The following ULK4 variants were observed in gnomAD, a reference collection of about 807,000 sequenced individuals.
The protein encoded by ULK4 is unc-51 like kinase 4, also known as inactive serine/threonine-protein kinase ULK4.
ULK4 carries 133 observed loss-of-function variants against 160.6 expected under a neutral mutation model. The ratio of observed to expected loss-of-function variants is 0.83; its 90% CI spans 0.72 to 0.96. The LOEUF (loss-of-function observed/expected upper bound fraction) is 0.96, where lower values mean the gene tolerates loss of function less well. Among genes scored for constraint, ULK4 ranks in the 40% least tolerant of loss-of-function variants. The probability of loss-of-function intolerance (pLI) is 0.00; values close to 1 mark genes in which losing one functional copy is unlikely to be tolerated. For synonymous variants in ULK4, 534 were observed against 539.8 expected (o/e 0.99, Z 0.15); for missense variants, 1,580 against 1,499.5 (o/e 1.05, Z -0.89).
chr3:41,505,310 C>T (rs549584209), intron 32 of ULK4, among the ~76,000 whole-genome samples: 5 of 152,100 alleles, frequency 3.3e-5, no homozygotes, highest in African/African-American at 9.6e-5. Flanking sequence ...TCATTACTGC[C>T]CTAACTACTA....
At chr3:41,629,834 A>AT (rs1475416717) in intron 30 of ULK4, among the ~76,000 whole-genome samples, 6 of 151,702 alleles carry the variant, frequency 4.0e-5, no homozygotes, top group African/African-American at 1.5e-4. Flanking sequence ...CTATAAAAAA[A>AT]AAAAATATAA....
intron 21 of ULK4, among the ~76,000 whole-genome samples, 167 bp downstream of exon 21, chr3:41,789,494 G>A (rs1026396050): frequency 4.6e-5 from 7 of 152,154 alleles, no homozygotes; most frequent in African/African-American, 1.7e-4. Flanking sequence ...AAAGGCTCTT[G>A]GAACATGTTC....
At chr3:41,882,406 T>A (rs1697556211) in intron 17 of ULK4, 1 of 639,948 alleles carries the variant, frequency 1.6e-6, no homozygotes, top group Non-Finnish European at 2.8e-6. Flanking sequence ...TATAAGTTGA[T>A]CATCTCAATT....
chr3:41,861,772 C>T (rs1206674109), intron 17 of ULK4, among the ~76,000 whole-genome samples: 2 of 151,978 alleles, frequency 1.3e-5, no homozygotes, highest in African/African-American at 4.8e-5. Flanking sequence ...AGGCCAATAA[C>T]GTTTAGACTT....
chr3:41,358,511 C>T (rs1043589252), intron 35 of ULK4, among the ~76,000 whole-genome samples: 6 of 152,002 alleles, frequency 3.9e-5, no homozygotes, highest in Admixed American at 6.6e-5. Flanking sequence ...GCCTCTCTGA[C>T]AGGGTGACAT....
chr3:41,252,609 G>GAAAAAA (rs35292590), intron 35 of ULK4, among the ~76,000 whole-genome samples: 1 of 104,522 alleles, frequency 9.6e-6, no homozygotes, highest in Non-Finnish European at 1.9e-5. Context: ...AGCAGAGATT[G>GAAAAAA]AAAAAAAAAA....
chr3:41,681,523 T>A lies in ULK4; in HGVS notation c.2963A>T (p.Asp988Val). The change falls in exon 29 of 37, where the codon GAT (aspartate) becomes GTT (valine). Residue 988 changes from aspartate to valine, a missense_variant. Physicochemically the swap from Asp to Val is radical, Grantham distance 152. Coordinates refer to ENST00000301831, the MANE Select transcript of ULK4 (RefSeq NM_017886.4). Reference protein sequence around the residue: ...SDSNLLALIRDVLLPQYEHIL... With the variant: ...SDSNLLALIRVVLLPQYEHIL... ...TGATACTTACTGGGGAAGTAAGACA[T>A]CTCGAATGAGAGCCAGAAGATTGCT... 1.2e-6 allele frequency: 2 copies of A among 1,614,040 alleles called. No homozygotes were observed. The highest frequency in any genetic ancestry group is 4.5e-5 in the East Asian group (2 of 44,868).
At chr3:41,315,832 A>G (rs1029290262) in intron 35 of ULK4, among the ~76,000 whole-genome samples, 2 of 152,242 alleles carry the variant, frequency 1.3e-5, no homozygotes, top group Non-Finnish European at 2.9e-5. Context: ...CAAAACCACA[A>G]TGAGATGCCA....
Position 41,866,810 on chromosome 3 carries a change from T to C in ULK4, c.1656+17064A>G, listed in dbSNP as rs562483849. ...AGGTTTTTAATAATGTACTAACAGATATAGGGCTCCCCAAATTTTTCTATC... is the reference window on the plus strand; with the variant it reads ...AGGTTTTTAATAATGTACTAACAGACATAGGGCTCCCCAAATTTTTCTATC... On this transcript the variant is annotated intron_variant, in intron 17 of 36. Transcript: ENST00000301831. 1.2e-4 allele frequency among the ~76,000 whole-genome samples: 18 copies of C among 152,358 alleles called. No homozygotes were observed. In the East Asian group the frequency reaches 2.9e-3, roughly 24 times the overall value.
At position 41,288,504 on chromosome 3, in the gene ULK4, T is replaced by C. The variant is rs542211788; in HGVS notation, c.3679-38930A>G. On this transcript the variant is annotated intron_variant, in intron 35 of 36. Transcript: ENST00000301831. ...TGGAGGTTACATCTTGGTCTGACTC[T>C]TGGTATGATGTGTGGAATTGCTGAG... Among the ~76,000 whole-genome samples the C allele has an allele frequency of 2.0e-5, 3 of 152,330 alleles. No homozygotes were observed. In the East Asian group the frequency reaches 5.8e-4, roughly 29 times the overall value.
At chr3:41,854,829 C>T (rs1213492505) in intron 17 of ULK4, 1 of 151,854 alleles carries the variant, frequency 6.6e-6, no homozygotes, top group Non-Finnish European at 1.5e-5. Flanking sequence ...ATTACCCAGA[C>T]CCTTTCAAGT....
At chr3:41,644,402 AG>A (rs1205709326) in intron 30 of ULK4, among the ~76,000 whole-genome samples, 1 of 152,016 alleles carries the variant, frequency 6.6e-6, no homozygotes, top group African/African-American at 2.4e-5. Flanking sequence ...TTTAGCATGA[AG>A]GGTTGTTGAA....
intron 34 of ULK4, among the ~76,000 whole-genome samples, chr3:41,411,582 G>A (rs1398281836): frequency 6.6e-6 from 1 of 151,776 alleles, no homozygotes; most frequent in Non-Finnish European, 1.5e-5. Context: ...GATTACAGGT[G>A]CCACCATGCC....
intron 21 of ULK4, among the ~76,000 whole-genome samples, chr3:41,786,244 C>G (rs1417396530): frequency 1.3e-5 from 2 of 152,152 alleles, no homozygotes; most frequent in Non-Finnish European, 2.9e-5. Flanking sequence ...AAGAACTCGA[C>G]AAAATTACTC....
At chr3:41,612,567 T>A (rs2032738950) in intron 31 of ULK4, among the ~76,000 whole-genome samples, 1 of 152,246 alleles carries the variant, frequency 6.6e-6, no homozygotes, top group Non-Finnish European at 1.5e-5. Flanking sequence ...ATAATTTTTA[T>A]TTTTTCTCCA....
chr3:41,658,605 C>T (rs946461004), intron 30 of ULK4, among the ~76,000 whole-genome samples: 1 of 152,118 alleles, frequency 6.6e-6, no homozygotes, highest in Middle Eastern at 3.4e-3. Flanking sequence ...AAATGCAACG[C>T]TATGTATCTG....
chr3:41,869,536 T>C (rs1343087580), intron 17 of ULK4, among the ~76,000 whole-genome samples: 2 of 152,146 alleles, frequency 1.3e-5, no homozygotes, highest in African/African-American at 4.8e-5. Flanking sequence ...GCCAAGATTA[T>C]GCCACTGCAC....
At chr3:41,787,067 G>T (rs184492692) in intron 21 of ULK4, among the ~76,000 whole-genome samples, 1 of 152,078 alleles carries the variant, frequency 6.6e-6, no homozygotes, top group African/African-American at 2.4e-5. Flanking sequence ...AAAATTTTTA[G>T]AAAATAGCTA....
Position 41,856,537 on chromosome 3 carries a change from GTATA to G in ULK4, c.1657-20570_1657-20567del, listed in dbSNP as rs199794363. 2.7e-3 allele frequency among the ~76,000 whole-genome samples: 236 copies of G among 87,844 alleles called. 2 individuals carry two copies. Among genetic ancestry groups the G allele is most frequent in the African/African-American group, 8.1e-3 (227 of 27,878 alleles). 57.6% of individuals were successfully genotyped at this position (87,844 alleles called of 152,430 possible). A position where few individuals can be genotyped will look rare whatever the true frequency, so the allele number is the denominator to read the frequency against. On this transcript the variant is annotated intron_variant, in intron 17 of 36. Coordinates refer to ENST00000301831, the MANE Select transcript of ULK4 (RefSeq NM_017886.4). The stretch of plus-strand genomic sequence containing the variant: ...AATATATATATATATATATATGTAT[GTATA>G]TATATATGTGTATATATATACACAT...
Sources: allele counts gnomAD v4.1 joint callset (sites outside exome capture counted in the v4.1 genomes callset), GRCh38; gene constraint gnomAD v4.1.1; transcripts MANE v1.5; gene names NCBI Gene and HGNC (gene_info 2026-07-23, HGNC 2026-07-21).